CNTN5: variants seen among roughly 807,000 people sequenced by gnomAD.
CNTN5 encodes contactin 5, also known as contactin-5.
In CNTN5, 77 loss-of-function variants were observed where a neutral mutation model predicts 129.1. That is an observed-to-expected ratio of 0.60 (90% CI 0.50 to 0.72). The LOEUF is 0.72. CNTN5 is among the 30% of genes least tolerant of loss of function. The pLI, the probability that CNTN5 is intolerant of heterozygous loss-of-function variation, is 0.00. For missense variants in CNTN5, 1,478 were observed against 1,328.8 expected (o/e 1.11, Z -1.75); for synonymous variants, 509 against 465.6 (o/e 1.09, Z -1.20).
At chr11:99,526,291 C>T (rs2135454476) in intron 2 of CNTN5, among the ~76,000 whole-genome samples, 1 of 152,286 alleles carries the variant, frequency 6.6e-6, no homozygotes, top group African/African-American at 2.4e-5. Flanking sequence ...GACTTATACA[C>T]CTGCGTGTGG....
chr11:99,602,486 A>G (rs990229621), intron 3 of CNTN5, among the ~76,000 whole-genome samples: 1 of 152,126 alleles, frequency 6.6e-6, no homozygotes, highest in Admixed American at 6.6e-5. Context: ...TGACAATTGT[A>G]TTGATCAGGC....
chr11:99,427,853 T>C (rs1487393865), intron 2 of CNTN5, among the ~76,000 whole-genome samples: 1 of 151,926 alleles, frequency 6.6e-6, no homozygotes, highest in Non-Finnish European at 1.5e-5. Context: ...TTTTGGTTTT[T>C]TAAACAATTA....
At chr11:99,073,230 ATATCCC>A (rs386756690) in intron 1 of CNTN5, among the ~76,000 whole-genome samples, 4,148 of 152,160 alleles carry the variant, frequency 0.027, 90 homozygotes, top group East Asian at 0.06. Context: ...TGGTGGCTAT[ATATCCC>A]AAAGGGAGAT....
chr11:99,025,504 C>T (rs1445526922), intron 1 of CNTN5, among the ~76,000 whole-genome samples: 1 of 151,720 alleles, frequency 6.6e-6, no homozygotes, highest in Non-Finnish European at 1.5e-5. Context: ...CCATTACTAT[C>T]CAGTAGTAAA....
At chr11:100,023,446 T>G (rs545097655) in intron 9 of CNTN5, among the ~76,000 whole-genome samples, 1 of 152,374 alleles carries the variant, frequency 6.6e-6, no homozygotes, top group Non-Finnish European at 1.5e-5. Context: ...CAGTCTCCTC[T>G]GTTATCATCA....
chr11:100,208,758 G>C (rs1948964267), intron 15 of CNTN5, among the ~76,000 whole-genome samples: 1 of 152,150 alleles, frequency 6.6e-6, no homozygotes, highest in African/African-American at 2.4e-5. Context: ...TTACTTTCCA[G>C]TTAGCTTTTG....
chr11:99,958,114 C>A (rs1950850887), intron 8 of CNTN5, among the ~76,000 whole-genome samples: 1 of 151,950 alleles, frequency 6.6e-6, no homozygotes, highest in Non-Finnish European at 1.5e-5. Context: ...TGCTAAAGGC[C>A]TCACAGTTAG....
chr11:99,555,743 GT>G (rs1180019519), intron 2 of CNTN5, among the ~76,000 whole-genome samples: 1 of 151,812 alleles, frequency 6.6e-6, no homozygotes, highest in Non-Finnish European at 1.5e-5. Flanking sequence ...CCGATCATTA[GT>G]TATGCTCTAG....
At chr11:100,038,791 C>T (rs1163129700) in intron 9 of CNTN5, among the ~76,000 whole-genome samples, 1 of 151,936 alleles carries the variant, frequency 6.6e-6, no homozygotes, top group Non-Finnish European at 1.5e-5. Context: ...GGATTGCAAC[C>T]CCTGCCTTTT....
chr11:99,082,882 C>T (rs1297471559), intron 1 of CNTN5, among the ~76,000 whole-genome samples: 1 of 152,024 alleles, frequency 6.6e-6, no homozygotes, highest in Non-Finnish European at 1.5e-5. Flanking sequence ...TATGATTTCA[C>T]GTAAGTAAAG....
At chr11:99,950,997 T>C (rs952491761) in intron 7 of CNTN5, among the ~76,000 whole-genome samples, 2 of 152,190 alleles carry the variant, frequency 1.3e-5, no homozygotes, top group Non-Finnish European at 1.5e-5. Context: ...AAAATAATAA[T>C]AACTATATTT....
chr11:99,291,086 T>G (rs1269008226), intron 1 of CNTN5, among the ~76,000 whole-genome samples: 1 of 151,842 alleles, frequency 6.6e-6, no homozygotes, highest in African/African-American at 2.4e-5. Context: ...ATAACAGGCA[T>G]GAAAAATAAT....
chr11:99,692,270 T>G (rs1470422657), intron 3 of CNTN5, among the ~76,000 whole-genome samples: 1 of 152,170 alleles, frequency 6.6e-6, no homozygotes, highest in Non-Finnish European at 1.5e-5. Flanking sequence ...GTGGATTTGA[T>G]TCTGTCATCA....
intron 18 of CNTN5, among the ~76,000 whole-genome samples, chr11:100,284,914 C>T (rs558638288): frequency 4.3e-4 from 66 of 152,254 alleles, no homozygotes; most frequent in African/African-American, 1.5e-3. Flanking sequence ...GTTGGAGTTT[C>T]AACCTGGATT....
chr11:99,952,216 G>C (rs1950692921), intron 7 of CNTN5, among the ~76,000 whole-genome samples: 1 of 152,138 alleles, frequency 6.6e-6, no homozygotes, highest in African/African-American at 2.4e-5. Context: ...GAGATCCAAA[G>C]TGGTAGGATT....
chr11:100,202,572 C>T (rs1948807245), intron 15 of CNTN5, among the ~76,000 whole-genome samples: 1 of 150,428 alleles, frequency 6.6e-6, no homozygotes, highest in African/African-American at 2.4e-5. Context: ...TTAAAAGCAG[C>T]CGTATAAGTC....
At chr11:99,193,015 G>A (rs570192878) in intron 1 of CNTN5, among the ~76,000 whole-genome samples, 69 of 152,064 alleles carry the variant, frequency 4.5e-4, no homozygotes, top group African/African-American at 1.4e-3. Flanking sequence ...TCATTATGAA[G>A]GTTCAAGATC....
intron 1 of CNTN5, among the ~76,000 whole-genome samples, chr11:99,239,973 T>C (rs1379166568): frequency 1.3e-5 from 2 of 151,796 alleles, no homozygotes; most frequent in Non-Finnish European, 2.9e-5. Context: ...AAGCGAGTAG[T>C]CCTCTTTTAA....
At position 100,325,261 on chromosome 11, in the gene CNTN5, GGTAAGGAATTAGTA is replaced by G. The variant is rs563019720; in HGVS notation, c.2731-15199_2731-15186del. 5.7e-4 allele frequency among the ~76,000 whole-genome samples: 87 copies of G among 152,254 alleles called. 1 individual carries two copies. Among genetic ancestry groups the G allele is most frequent in the Middle Eastern group, 3.4e-3 (1 of 294 alleles). The stretch of plus-strand genomic sequence containing the variant: ...CATGATATTCCAAAATATATCTGAA[GGTAAGGAATTAGTA>G]GTGAAACTATGCTATCAGTGAAATA... On this transcript the variant is annotated intron_variant, in intron 21 of 24. Transcript: ENST00000524871.
Sources: gnomAD v4.1 joint callset for allele counts (sites outside exome capture counted in the v4.1 genomes callset) on GRCh38, gnomAD v4.1.1 for gene constraint, MANE v1.5 for transcripts, NCBI Gene and HGNC (gene_info 2026-07-23, HGNC 2026-07-21) for gene names.